RAP1GAP: variants seen among roughly 807,000 people sequenced by gnomAD.
The protein encoded by RAP1GAP is rap1 GTPase-activating protein 1.
In RAP1GAP, 35 loss-of-function variants were observed where a neutral mutation model predicts 87.2. The ratio of observed to expected loss-of-function variants is 0.40; its 90% CI spans 0.31 to 0.53. The LOEUF is 0.53. Among genes scored for constraint, RAP1GAP ranks in the 20% least tolerant of loss-of-function variants. The pLI, the probability that RAP1GAP is intolerant of heterozygous loss-of-function variation, is 0.48. For missense variants in RAP1GAP, 734 were observed against 898.9 expected, an observed-to-expected ratio of 0.82 and a Z score of 2.35; for synonymous variants, 375 against 363.9, an observed-to-expected ratio of 1.03 and a Z score of -0.35.
rs548682413 is a variant in RAP1GAP at position 21,641,851 on chromosome 1, G to T, written c.-113+7910C>A. The stretch of plus-strand genomic sequence containing the variant: ...TCACAGCCAACCTTCCCATTTCATA[G>T]GTATGAAAATGAGCCTCTGAGAGGG... On this transcript the variant is annotated intron_variant, in intron 2 of 24. Transcript: ENST00000374765. Among the ~76,000 whole-genome samples, 12 of 152,286 alleles carry T rather than the reference G, an allele frequency of 7.9e-5. No individual in the cohort carries two copies. The East Asian group carries it at 1.9e-3, about 24-fold the overall frequency.
intron 20 of RAP1GAP, 42 bp downstream of exon 20, chr1:21,601,642 C>T: frequency 6.8e-7 from 1 of 1,479,676 alleles, no homozygotes; most frequent in African/African-American, 1.4e-5. Flanking sequence ...GGACGGTTCA[C>T]CACTCCCAAG....
intron 16 of RAP1GAP, 151 bp from the exon 17 acceptor site, chr1:21,608,501 C>G: frequency 9.4e-7 from 1 of 1,063,850 alleles, no homozygotes; most frequent in South Asian, 1.7e-5. Context: ...CGCCTTCCCC[C>G]AGGCCACTCC....
At chr1:21,664,411 G>C (rs766705084) in intron 1 of RAP1GAP, among the ~76,000 whole-genome samples, 1 of 151,998 alleles carries the variant, frequency 6.6e-6, no homozygotes, top group Non-Finnish European at 1.5e-5. Context: ...CAGACTCCTC[G>C]GCCTGCCATT....
rs1467184284 is a variant in RAP1GAP, at chr1:21,626,215, A to G, written c.-19+89T>C. 5.7e-6 allele frequency: 7 copies of G among 1,230,014 alleles called. No individual in the cohort carries two copies. In the East Asian group the frequency reaches 1.2e-4, roughly 21 times the overall value. The allele number at this position is 1,230,014 out of a possible 1,614,324, so 76.2% of individuals were successfully genotyped here. ...TGCCTGAACATTTTACCTTTGCCCAAAAGTCATTCTTGGGCCTTTCCCAGC... is the reference window on the plus strand; with the variant it reads ...TGCCTGAACATTTTACCTTTGCCCAGAAGTCATTCTTGGGCCTTTCCCAGC... On this transcript the variant is annotated intron_variant, in intron 3 of 24. Coordinates refer to ENST00000374765, the MANE Select transcript of RAP1GAP (RefSeq NM_002885.4).
rs2097498930 is a variant in RAP1GAP, at chr1:21,669,152, C to T, written c.-149+102G>A. 6 of 1,172,704 alleles carry T rather than the reference C, an allele frequency of 5.1e-6. No homozygotes were observed. The highest frequency in any genetic ancestry group is 5.4e-6 in the Non-Finnish European group (5 of 932,108). 72.6% of individuals were successfully genotyped at this position (1,172,704 alleles called of 1,614,324 possible). ...CACGCGTTCGCCCCCACCCTCCGTC[C>T]CCGCCCGCCCGCGCGGGGTCTTCGC... On this transcript the variant is annotated intron_variant, in intron 1 of 24. Coordinates refer to ENST00000374765, the MANE Select transcript of RAP1GAP (RefSeq NM_002885.4). This position sits in a 1 kb window ranked among gnomAD's most constrained non-coding sequence, Gnocchi z 5.6.
intron 15 of RAP1GAP, 53 bp from the exon 16 acceptor site, chr1:21,608,989 A>T (rs1227318490): frequency 6.7e-7 from 1 of 1,495,232 alleles, no homozygotes; most frequent in African/African-American, 1.4e-5. Flanking sequence ...GATGACACAT[A>T]AACAAGGGTC....
Position 21,611,774 on chromosome 1 carries a change from C to T in RAP1GAP, c.655G>A (p.Ala219Thr), listed in dbSNP as rs771544929. The change falls in exon 12 of 25, where the codon GCT becomes ACT. Residue 219 changes from alanine (A) to threonine (T), a missense_variant. Physicochemically the swap from Ala to Thr is moderately conservative, Grantham distance 58. Coordinates refer to ENST00000374765, the MANE Select transcript of RAP1GAP (RefSeq NM_002885.4). ...AGAAATTCAAGGAACTCCACGAAAGCGGGACTTTCCTCATTGGTGCTGAAG... is the reference window on the plus strand; with the variant it reads ...AGAAATTCAAGGAACTCCACGAAAGTGGGACTTTCCTCATTGGTGCTGAAG... ...ELFSTNEESP[A>T]FVEFLEFLGQ... The T allele has an allele frequency of 6.8e-6, 11 of 1,613,960 alleles. No homozygotes were observed. Among genetic ancestry groups the T allele is most frequent in the East Asian group, 6.7e-5 (3 of 44,894 alleles).
At chr1:21,627,852 C>T (rs961174598) in intron 2 of RAP1GAP, among the ~76,000 whole-genome samples, 11 of 152,236 alleles carry the variant, frequency 7.2e-5, no homozygotes, top group African/African-American at 2.6e-4. Context: ...GAGGGGTCTG[C>T]GCTGGGCAAT....
Position 21,603,307 on chromosome 1 carries a change from T to G in RAP1GAP, c.1429-394A>C. 1 of 378,178 alleles carries G rather than the reference T, an allele frequency of 2.6e-6. No homozygotes were observed. Among genetic ancestry groups the G allele is most frequent in the Non-Finnish European group, 4.8e-6 (1 of 208,332 alleles). The allele number at this position is 378,178 out of a possible 1,614,324, so 23.4% of individuals were successfully genotyped here. ...AACCCAAGTCCCACCCCGTGCCAGCTAGGGCCCCTCCCCGGAACCTCCAAA... is the reference window on the plus strand; with the variant it reads ...AACCCAAGTCCCACCCCGTGCCAGCGAGGGCCCCTCCCCGGAACCTCCAAA... On this transcript the variant is annotated intron_variant, in intron 18 of 24. Transcript: ENST00000374765. The surrounding 1 kb of genome is among the most constrained non-coding windows in gnomAD (Gnocchi z 6.0).
intron 2 of RAP1GAP, among the ~76,000 whole-genome samples, chr1:21,646,275 C>T (rs1356533818): frequency 6.6e-6 from 1 of 152,246 alleles, no homozygotes; most frequent in African/African-American, 2.4e-5. Context: ...TGAGCAGTGA[C>T]TCCCGTTTGG....
rs1312083163 is a variant in RAP1GAP at position 21,634,073 on chromosome 1, GC to G, written c.-112-7677del. ...TGCCCCCTCCCGGGGGGGGGGGGGG[GC>G]CACAGAAGCCCATTGTTTTCTGAGC... is the stretch of plus-strand genomic sequence containing the variant. On this transcript the variant is annotated intron_variant, in intron 2 of 24. Coordinates refer to ENST00000374765, the MANE Select transcript of RAP1GAP (RefSeq NM_002885.4). This position sits in a 1 kb window ranked among gnomAD's most constrained non-coding sequence, Gnocchi z 4.1. 2.3e-4 allele frequency among the ~76,000 whole-genome samples: 31 copies of G among 135,390 alleles called. No individual in the cohort carries two copies. The highest frequency in any genetic ancestry group is 8.7e-4 in the African/African-American group (29 of 33,158). 88.8% of individuals were successfully genotyped at this position (135,390 alleles called of 152,430 possible).
At chr1:21,629,482 T>C (rs1227173966) in intron 2 of RAP1GAP, among the ~76,000 whole-genome samples, 1 of 152,184 alleles carries the variant, frequency 6.6e-6, no homozygotes, top group Non-Finnish European at 1.5e-5. Flanking sequence ...GGCTTGCACC[T>C]GGGACCCCAT....
At chr1:21,629,301 G>A (rs930227894) in intron 2 of RAP1GAP, among the ~76,000 whole-genome samples, 8 of 152,082 alleles carry the variant, frequency 5.3e-5, no homozygotes, top group Non-Finnish European at 1.0e-4. Context: ...CTAGTCCAGC[G>A]GTGCCCTTCT....
Position 21,609,739 on chromosome 1 carries a change from C to T in RAP1GAP, c.1000-93G>A, listed in dbSNP as rs2077052794. ...CCCCTACTGTGCCTCCCTGGACTGCCCCTTGGTCGGGGAGACCCAGTGACT... is the reference window on the plus strand; with the variant it reads ...CCCCTACTGTGCCTCCCTGGACTGCTCCTTGGTCGGGGAGACCCAGTGACT... On this transcript the variant is annotated intron_variant, in intron 14 of 24. Coordinates refer to ENST00000374765, the MANE Select transcript of RAP1GAP (RefSeq NM_002885.4). The surrounding 1 kb of genome is among the most constrained non-coding windows in gnomAD (Gnocchi z 4.4). 1.0e-6 allele frequency: 1 copy of T among 969,020 alleles called. No individual in the cohort carries two copies. The highest frequency in any genetic ancestry group is 2.3e-5 in the South Asian group (1 of 43,208). 60.0% of individuals were successfully genotyped at this position (969,020 alleles called of 1,614,324 possible).
Position 21,626,397 on chromosome 1 carries a change from C to A in RAP1GAP, c.-112G>T, listed in dbSNP as rs778371943. The A allele has an allele frequency of 6.2e-7, 1 of 1,610,544 alleles. No homozygotes were observed. The highest frequency in any genetic ancestry group is 1.1e-5 in the South Asian group (1 of 91,032). ...AGTGCTGGTTCTGCCCATCGCTCCT[C>A]CTGGAAGAGAAAGAGTCTGAGGTCA... On this transcript the variant is annotated splice_region_variant and 5_prime_UTR_variant, in exon 3 of 25. Transcript: ENST00000374765.
intron 1 of RAP1GAP, among the ~76,000 whole-genome samples, chr1:21,659,405 C>T (rs942670288): frequency 6.6e-6 from 1 of 152,194 alleles, no homozygotes; most frequent in African/African-American, 2.4e-5. Context: ...GCCGCGCGCT[C>T]GCCACCCCCC....
chr1:21,645,255 C>T (rs1175218193), intron 2 of RAP1GAP, among the ~76,000 whole-genome samples: 1 of 152,138 alleles, frequency 6.6e-6, no homozygotes, highest in East Asian at 1.9e-4. Context: ...TCTATTTCAG[C>T]CCACCTCTGC....
In RAP1GAP at chr1:21,651,684, C is replaced by A. The variant is rs1474320922; in HGVS notation, c.-148-1888G>T. On this transcript the variant is annotated intron_variant, in intron 1 of 24. Coordinates refer to ENST00000374765, the MANE Select transcript of RAP1GAP (RefSeq NM_002885.4). ...ACAGCAGTCATAGCCCAGGCCCACC[C>A]GCCCAAACGCGAGCACACCCCGCAC... 10 of 1,304,004 alleles carry A rather than the reference C, an allele frequency of 7.7e-6. No homozygotes were observed. The East Asian group carries it at 2.1e-4, about 27-fold the overall frequency. 80.8% of individuals were successfully genotyped at this position (1,304,004 alleles called of 1,614,324 possible).
At chr1:21,665,822 C>G (rs1169887892) in intron 1 of RAP1GAP, among the ~76,000 whole-genome samples, 1 of 152,266 alleles carries the variant, frequency 6.6e-6, no homozygotes, top group African/African-American at 2.4e-5. Flanking sequence ...CTGCTTGGCC[C>G]TAGTGTGGAT....
Sources: allele counts gnomAD v4.1 joint callset (sites outside exome capture counted in the v4.1 genomes callset), GRCh38; gene constraint gnomAD v4.1.1; non-coding constraint Gnocchi (gnomAD v3.1); transcripts MANE v1.5; gene names NCBI Gene and HGNC (gene_info 2026-07-23, HGNC 2026-07-21).